Variants in C2orf66 observed in about 807,000 individuals in gnomAD.
C2orf66 encodes the protein chromosome 2 open reading frame 66, also known as uncharacterized protein C2orf66.
Under a neutral mutation model 7.0 loss-of-function variants are expected in C2orf66, and 6 were observed. That is an observed-to-expected ratio of 0.86 (90% CI 0.47 to 1.69). The LOEUF (loss-of-function observed/expected upper bound fraction) is 1.69. C2orf66 is among the 40% of genes most tolerant of loss of function. The pLI is 0.01. For missense variants in C2orf66, 107 were observed against 112.0 expected, an observed-to-expected ratio of 0.96 and a Z score of 0.20; for synonymous variants, 38 against 43.8, an observed-to-expected ratio of 0.87 and a Z score of 0.52.
chr2:196,825,602 G>C, the C2orf66 span, among the ~76,000 whole-genome samples: 15 of 152,260 alleles, frequency 9.9e-5, no homozygotes, highest in South Asian at 3.1e-3. Context: ...TAAAGCTATT[G>C]GAGGGGGAGA....
chr2:196,813,644 C>A (rs905702423), upstream of C2orf66, among the ~76,000 whole-genome samples: 1 of 152,144 alleles, frequency 6.6e-6, no homozygotes, highest in Admixed American at 6.5e-5. Context: ...AACAGGCAAC[C>A]TACAGAATGG....
At chr2:196,812,754 A>C (rs1313878574), upstream of C2orf66, among the ~76,000 whole-genome samples, 1 of 152,236 alleles carries the variant, frequency 6.6e-6, no homozygotes, top group Non-Finnish European at 1.5e-5. Flanking sequence ...ACAAAAATCA[A>C]TGTGCAAAAA....
the C2orf66 span, among the ~76,000 whole-genome samples, chr2:196,829,624 GCA>G: frequency 2.0e-5 from 3 of 151,104 alleles, no homozygotes; most frequent in Admixed American, 6.6e-5. Flanking sequence ...GGGGCCGGGT[GCA>G]GTGGCTCACA....
At chr2:196,818,227 C>T in the C2orf66 span, among the ~76,000 whole-genome samples, 53 of 152,308 alleles carry the variant, frequency 3.5e-4, no homozygotes, top group Middle Eastern at 3.4e-3. Context: ...AAGGAGGCCC[C>T]GTGCCAACTA....
At chr2:196,823,388 T>A in the C2orf66 span, among the ~76,000 whole-genome samples, 1 of 152,070 alleles carries the variant, frequency 6.6e-6, no homozygotes, top group Non-Finnish European at 1.5e-5. Flanking sequence ...TTTGGGAGGC[T>A]GAGGCAGGTG....
At chr2:196,807,789 C>T (rs527387330) in intron 1 of C2orf66, among the ~76,000 whole-genome samples, 167 bp from the exon 2 acceptor site, 1 of 152,316 alleles carries the variant, frequency 6.6e-6, no homozygotes, top group African/African-American at 2.4e-5. Context: ...CTTCTCCTCC[C>T]CTCCTCTGTA....
the C2orf66 span, among the ~76,000 whole-genome samples, chr2:196,820,825 A>G: frequency 6.6e-6 from 1 of 152,204 alleles, no homozygotes; most frequent in Non-Finnish European, 1.5e-5. Flanking sequence ...TAAGATCTAT[A>G]TGGCCCAAAG....
At chr2:196,820,337 GC>G in the C2orf66 span, among the ~76,000 whole-genome samples, 1 of 152,104 alleles carries the variant, frequency 6.6e-6, no homozygotes, top group Non-Finnish European at 1.5e-5. Flanking sequence ...GAGCCTAAAG[GC>G]CCATACGTCA....
At chr2:196,806,686 T>TA (rs879690476) in intron 2 of C2orf66, among the ~76,000 whole-genome samples, 2,708 of 141,806 alleles carry the variant, frequency 0.019, 64 homozygotes, top group African/African-American at 0.06. Context: ...CTGTCTCTAC[T>TA]AAAAAAAAAA....
At chr2:196,810,430 A>C (rs1699863437), upstream of C2orf66, among the ~76,000 whole-genome samples, 1 of 152,250 alleles carries the variant, frequency 6.6e-6, no homozygotes, top group Admixed American at 6.5e-5. Flanking sequence ...AAGAAGCTTT[A>C]CAAGTTTTAA....
At chr2:196,828,228 TCTCACACACACACACA>T in the C2orf66 span, among the ~76,000 whole-genome samples, 13 of 127,420 alleles carry the variant, frequency 1.0e-4, no homozygotes, top group African/African-American at 3.8e-4. Context: ...TCTCTCTCTC[TCTCACACACACACACA>T]CACACACACA....
At chr2:196,829,336 A>ATTTAAT in the C2orf66 span, among the ~76,000 whole-genome samples, 1 of 152,244 alleles carries the variant, frequency 6.6e-6, no homozygotes, top group South Asian at 2.1e-4. Flanking sequence ...TTAATAACAT[A>ATTTAAT]CACAATGCTT....
the C2orf66 span, among the ~76,000 whole-genome samples, chr2:196,819,180 C>T: frequency 5.9e-5 from 9 of 152,176 alleles, no homozygotes; most frequent in South Asian, 2.1e-4. Flanking sequence ...GATACCACTG[C>T]GTCATTTCAA....
chr2:196,826,290 T>C, the C2orf66 span, among the ~76,000 whole-genome samples: 1 of 152,248 alleles, frequency 6.6e-6, no homozygotes, highest in South Asian at 2.1e-4. Context: ...GGCACTATTA[T>C]AATTAGCAAA....
chr2:196,816,680 C>T, the C2orf66 span, among the ~76,000 whole-genome samples: 218 of 152,124 alleles, frequency 1.4e-3, no homozygotes, highest in African/African-American at 5.0e-3. Flanking sequence ...AGCATGTGTA[C>T]CCCCCGAATC....
chr2:196,807,376 G>T, intron 2 of C2orf66, 48 bp downstream of exon 2: 1 of 1,066,250 alleles, frequency 9.4e-7, no homozygotes. Context: ...CTACTTTATG[G>T]CTGACTTGTA....
the C2orf66 span, among the ~76,000 whole-genome samples, chr2:196,828,230 TCACACACACA>T: frequency 0.012 from 1,540 of 125,118 alleles, 25 homozygotes; most frequent in African/African-American, 0.04. Flanking sequence ...TCTCTCTCTC[TCACACACACA>T]CACACACACA....
intron 1 of C2orf66, 127 bp downstream of exon 1, chr2:196,809,087 G>T: frequency 9.9e-7 from 1 of 1,007,380 alleles, no homozygotes; most frequent in Non-Finnish European, 1.5e-6. Context: ...GTCCAATCCT[G>T]TTGGAGAATT....
the C2orf66 span, among the ~76,000 whole-genome samples, chr2:196,818,492 A>G: frequency 6.6e-6 from 1 of 152,190 alleles, no homozygotes; most frequent in African/African-American, 2.4e-5. Flanking sequence ...AAATGCCACA[A>G]TTTGGGCTAG....
Sources: allele counts gnomAD v4.1 joint callset (sites outside exome capture counted in the v4.1 genomes callset), GRCh38; gene constraint gnomAD v4.1.1; transcripts MANE v1.5; gene names NCBI Gene and HGNC (gene_info 2026-07-23, HGNC 2026-07-21).